The following TULP2 variants were observed in gnomAD, a reference collection of about 807,000 sequenced individuals.
TULP2 encodes the protein TUB like protein 2.
In TULP2, 64 loss-of-function variants were observed where a neutral mutation model predicts 60.3. That is an observed-to-expected ratio of 1.06 (90% CI 0.87 to 1.31). The LOEUF (loss-of-function observed/expected upper bound fraction) is 1.31. Among genes scored for constraint, TULP2 ranks in the 50% most tolerant of loss-of-function variants. TULP2 has a pLI of 0.00. For synonymous variants in TULP2, 267 were observed against 265.4 expected, an observed-to-expected ratio of 1.01 and a Z score of -0.06; for missense variants, 652 against 667.0, an observed-to-expected ratio of 0.98 and a Z score of 0.25.
chr19:48,891,040 C>A (rs563707081), intron 6 of TULP2, among the ~76,000 whole-genome samples: 80 of 152,036 alleles, frequency 5.3e-4, no homozygotes, highest in Admixed American at 9.2e-4. Context: ...TATGGCCGGG[C>A]ACGGTGGCTC....
chr19:48,885,576 A>T lies in TULP2; in HGVS notation c.949-16T>A, dbSNP rs2037172544. 1 of 1,609,800 alleles carries T rather than the reference A, an allele frequency of 6.2e-7. No homozygotes were observed. The highest frequency in any genetic ancestry group is 8.5e-7 in the Non-Finnish European group (1 of 1,176,548). On this transcript the variant is annotated splice_polypyrimidine_tract_variant and intron_variant, in intron 8 of 12. Coordinates refer to ENST00000221399, the MANE Select transcript of TULP2 (RefSeq NM_003323.3). Reference sequence around the variant, plus strand: ...GGAGGAAGCGCTATGGATGAGAGGAACAGTCCATTAGAATGGACTTCTGGA... The same window carrying T: ...GGAGGAAGCGCTATGGATGAGAGGATCAGTCCATTAGAATGGACTTCTGGA...
rs753683691 is a variant in TULP2 at position 48,882,082 on chromosome 19, C to T, written c.1397G>A (p.Arg466Gln). The T allele has an allele frequency of 1.2e-6, 2 of 1,614,204 alleles. No homozygotes were observed. Among genetic ancestry groups the T allele is most frequent in the Non-Finnish European group, 1.7e-6 (2 of 1,180,044 alleles). The change falls in exon 12 of 13, where the codon CGA becomes CAA. Residue 466 changes from arginine to glutamine, a missense_variant. Transcript: ENST00000221399. ...GTTCTTCACCGAAGCCCGAGTGACT[C>T]GACCATGGAAATTGAGCGTGTAGAC... ...NGVYTLNFHGRVTRASVKNFQ... is the reference protein window; with the variant it reads ...NGVYTLNFHGQVTRASVKNFQ...
Position 48,897,246 on chromosome 19 carries a change from A to G in TULP2, c.84+99T>C, listed in dbSNP as rs1600034299. 1.5e-6 allele frequency: 2 copies of G among 1,331,402 alleles called. No individual in the cohort carries two copies. The highest frequency in any genetic ancestry group is 2.1e-6 in the Non-Finnish European group (2 of 940,942). The allele number at this position is 1,331,402 out of a possible 1,614,324, so 82.5% of individuals were successfully genotyped here. On this transcript the variant is annotated intron_variant, in intron 3 of 12. Coordinates refer to ENST00000221399, the MANE Select transcript of TULP2 (RefSeq NM_003323.3). The surrounding 1 kb of genome is among the most constrained non-coding windows in gnomAD (Gnocchi z 4.0). ...AAAACTCAAGGATGAGAGACAGCCA[A>G]CACGGGCTGGGAGTCCTAGAGCAAG...
At chr19:48,895,861 A>G (rs192930514) in intron 4 of TULP2, among the ~76,000 whole-genome samples, 14 of 152,274 alleles carry the variant, frequency 9.2e-5, no homozygotes, top group African/African-American at 3.4e-4. Context: ...CTTTGGCAAC[A>G]AGAGCTAAAC....
intron 6 of TULP2, among the ~76,000 whole-genome samples, chr19:48,892,173 G>T (rs1010057047): frequency 6.6e-6 from 1 of 152,174 alleles, no homozygotes; most frequent in Non-Finnish European, 1.5e-5. Context: ...GACCCTTTAC[G>T]GGTGTCGGGC....
intron 4 of TULP2, among the ~76,000 whole-genome samples, chr19:48,895,809 A>G (rs1411697177): frequency 2.0e-5 from 3 of 151,952 alleles, no homozygotes; most frequent in East Asian, 1.9e-4. Context: ...AACCCGGGAG[A>G]CGGAGGTTGC....
chr19:48,887,922 C>T, intron 8 of TULP2, 28 bp downstream of exon 8: 1 of 1,596,130 alleles, frequency 6.3e-7, no homozygotes, highest in Admixed American at 1.7e-5. Context: ...GGGCTTACTC[C>T]CAAAGCTGTT....
chr19:48,887,335 T>TTTTTTTTC (rs2037189852), intron 8 of TULP2, among the ~76,000 whole-genome samples: 1 of 98,460 alleles, frequency 1.0e-5, no homozygotes, highest in Non-Finnish European at 2.0e-5. Flanking sequence ...TTTTTTTTTT[T>TTTTTTTTC]TTTTTTTTAT....
intron 9 of TULP2, 61 bp downstream of exon 9, chr19:48,885,387 G>T (rs934483492): frequency 7.3e-7 from 1 of 1,378,766 alleles, no homozygotes; most frequent in Non-Finnish European, 1.0e-6. Flanking sequence ...GGGAAATGGA[G>T]TCCCCCTGTC....
In TULP2 at chr19:48,891,246, C is replaced by A. The variant is rs571632445; in HGVS notation, c.515-1615G>T. 5.9e-3 allele frequency among the ~76,000 whole-genome samples: 889 copies of A among 151,486 alleles called. 11 individuals are homozygous for A. The highest frequency in any genetic ancestry group is 0.021 in the African/African-American group (866 of 41,204). On this transcript the variant is annotated intron_variant, in intron 6 of 12. Coordinates refer to ENST00000221399, the MANE Select transcript of TULP2 (RefSeq NM_003323.3). Reference sequence around the variant, plus strand: ...GGCTGAGGCAGGAGAATGGTGTGAACCCGGGAGGCGGAGCTTGCAGTGAGC... The same window carrying A: ...GGCTGAGGCAGGAGAATGGTGTGAAACCGGGAGGCGGAGCTTGCAGTGAGC...
In TULP2 at chr19:48,883,465, T is replaced by C. The variant is rs1001823667; in HGVS notation, c.1275+289A>G. On this transcript the variant is annotated intron_variant, in intron 11 of 12. Coordinates refer to ENST00000221399, the MANE Select transcript of TULP2 (RefSeq NM_003323.3). ...GACTCTACGGACTGGCCCCAAATTCTTTCTTGCCTGAGATCCAAGAACCCT... is the reference window on the plus strand; with the variant it reads ...GACTCTACGGACTGGCCCCAAATTCCTTCTTGCCTGAGATCCAAGAACCCT... 6.6e-5 allele frequency among the ~76,000 whole-genome samples: 10 copies of C among 152,316 alleles called. No homozygotes were observed. The East Asian group carries it at 1.9e-3, about 29-fold the overall frequency.
At position 48,896,533 on chromosome 19, in the gene TULP2, C is replaced by T; in HGVS notation, c.108G>A (p.Gln36=). 1 of 1,602,872 alleles carries T rather than the reference C, an allele frequency of 6.2e-7. No individual in the cohort carries two copies. Among genetic ancestry groups the T allele is most frequent in the Non-Finnish European group, 8.5e-7 (1 of 1,174,838 alleles). Residue 36 remains glutamine, a synonymous_variant, in exon 4 of 13, where the codon CAG becomes CAA. Transcript: ENST00000221399. ...EQQRRLFEKK[Q]RQKRQELLMV... is the part of the protein sequence containing the mutation. ...TGAGGAGCTCCTGGCGCTTCTGTCGCTGCTTCTTTTCAAACAGCCGCCGCT... is the reference window on the plus strand; with the variant it reads ...TGAGGAGCTCCTGGCGCTTCTGTCGTTGCTTCTTTTCAAACAGCCGCCGCT...
rs771537060 is a variant in TULP2, at chr19:48,882,125, A to G, written c.1354T>C (p.Trp452Arg). ...GTGTAGACACCGTTCTCCTTGTCCC[A>G]CGACGGGGTTTTGTTGTGCAACAAA... ...LLLLHNKTPSWDKENGVYTLN... is the reference protein window; with the variant it reads ...LLLLHNKTPSRDKENGVYTLN... The change falls in exon 12 of 13, where the codon TGG (tryptophan) becomes CGG (arginine). Residue 452 changes from tryptophan to arginine, a missense_variant. Transcript: ENST00000221399. 2 of 1,614,126 alleles carry G rather than the reference A, an allele frequency of 1.2e-6. No individual in the cohort carries two copies. Among genetic ancestry groups the G allele is most frequent in the Non-Finnish European group, 1.7e-6 (2 of 1,180,002 alleles).
intron 6 of TULP2, among the ~76,000 whole-genome samples, chr19:48,890,880 G>A (rs987264156): frequency 1.3e-5 from 2 of 152,124 alleles, no homozygotes; most frequent in Non-Finnish European, 1.5e-5. Flanking sequence ...AAGATGGGGG[G>A]ATGGAGTTTG....
intron 8 of TULP2, among the ~76,000 whole-genome samples, chr19:48,886,988 CA>C (rs1306745239): frequency 6.7e-6 from 1 of 149,638 alleles, no homozygotes; most frequent in Non-Finnish European, 1.5e-5. Flanking sequence ...GCTGAGATTA[CA>C]AGCGTGAACC....
At chr19:48,885,677 A>G in intron 8 of TULP2, 117 bp from the exon 9 acceptor site, 1 of 794,128 alleles carries the variant, frequency 1.3e-6, no homozygotes, top group Non-Finnish European at 2.0e-6. Context: ...TGAGGACAGG[A>G]GTTCGAGACC....
chr19:48,888,093 C>G lies in TULP2; in HGVS notation c.805G>C (p.Glu269Gln). The change falls in exon 8 of 13, where the codon GAG (glutamate) becomes CAG (glutamine). Residue 269 changes from glutamate (E) to glutamine (Q), a missense_variant. Transcript: ENST00000221399. ...LAIRSPCPGLEEDMEAYVLRP... is the reference protein window; with the variant it reads ...LAIRSPCPGLQEDMEAYVLRP... The stretch of plus-strand genomic sequence containing the variant: ...AGCACGTAGGCTTCCATGTCCTCCT[C>G]CAGCCCAGGGCAGGGGGAGCGGATT... 4 of 1,614,202 alleles carry G rather than the reference C, an allele frequency of 2.5e-6. No homozygotes were observed. The highest frequency in any genetic ancestry group is 3.4e-6 in the Non-Finnish European group (4 of 1,180,024).
Position 48,882,132 on chromosome 19 carries a change from G to A in TULP2, c.1347C>T (p.Thr449=). The change falls in exon 12 of 13, where the codon ACC becomes ACT. Residue 449 remains threonine (T), a synonymous_variant. Transcript: ENST00000221399. ...KQGLLLLHNK[T]PSWDKENGVY... ...CACCGTTCTCCTTGTCCCACGACGGGGTTTTGTTGTGCAACAAAAGCAACC... is the reference window on the plus strand; with the variant it reads ...CACCGTTCTCCTTGTCCCACGACGGAGTTTTGTTGTGCAACAAAAGCAACC... The A allele has an allele frequency of 1.9e-6, 3 of 1,614,070 alleles. No homozygotes were observed. The highest frequency in any genetic ancestry group is 2.5e-6 in the Non-Finnish European group (3 of 1,180,008).
At chr19:48,891,110 C>G (rs1208498801) in intron 6 of TULP2, among the ~76,000 whole-genome samples, 1 of 146,278 alleles carries the variant, frequency 6.8e-6, no homozygotes, top group Non-Finnish European at 1.5e-5. Context: ...GTCAGGAGAT[C>G]GAGACCATCC....
Sources: allele counts gnomAD v4.1 joint callset (sites outside exome capture counted in the v4.1 genomes callset), GRCh38; gene constraint gnomAD v4.1.1; non-coding constraint Gnocchi (gnomAD v3.1); transcripts MANE v1.5; gene names NCBI Gene and HGNC (gene_info 2026-07-23, HGNC 2026-07-21).